The following KCNMB2 variants were observed in gnomAD, a reference collection of about 807,000 sequenced individuals.
The protein encoded by KCNMB2 is potassium calcium-activated channel subfamily M regulatory beta subunit 2.
Under a neutral mutation model 24.5 loss-of-function variants are expected in KCNMB2, and 9 were observed. The observed-to-expected ratio is 0.37, with a 90% CI of 0.22 to 0.64. KCNMB2 has a LOEUF of 0.64. Among genes scored for constraint, KCNMB2 ranks in the 30% least tolerant of loss-of-function variants. The pLI, the probability that KCNMB2 is intolerant of heterozygous loss-of-function variation, is 0.63. For missense variants in KCNMB2, 226 were observed against 284.3 expected (o/e 0.79, Z 1.47); for synonymous variants, 109 against 104.4 (o/e 1.04, Z -0.27).
At chr3:178,659,931 C>T (rs1720466928) in intron 1 of KCNMB2, among the ~76,000 whole-genome samples, 1 of 152,094 alleles carries the variant, frequency 6.6e-6, no homozygotes, top group Non-Finnish European at 1.5e-5. Flanking sequence ...TTTTAAGAGA[C>T]CACTTTCCAT....
At chr3:178,576,305 T>C (rs961275181) in intron 1 of KCNMB2, among the ~76,000 whole-genome samples, 1 of 152,022 alleles carries the variant, frequency 6.6e-6, no homozygotes. Context: ...AACTAGGCAC[T>C]CGGCCCAGAT....
chr3:178,610,872 T>A (rs921389409), intron 1 of KCNMB2, among the ~76,000 whole-genome samples: 5 of 152,248 alleles, frequency 3.3e-5, no homozygotes, highest in African/African-American at 9.6e-5. Context: ...GGGTTTGTTG[T>A]ATATGGCTTT....
intron 1 of KCNMB2, among the ~76,000 whole-genome samples, chr3:178,580,724 T>C (rs753136410): frequency 6.6e-5 from 10 of 151,914 alleles, no homozygotes; most frequent in African/African-American, 1.5e-4. Flanking sequence ...ACGCCAATAA[T>C]AGACAAACAG....
At chr3:178,557,967 ACCT>A (rs1272033169) in intron 1 of KCNMB2, among the ~76,000 whole-genome samples, 1 of 152,088 alleles carries the variant, frequency 6.6e-6, no homozygotes, top group Non-Finnish European at 1.5e-5. Context: ...TGGCCTCCTG[ACCT>A]CTGCTGTGAG....
chr3:178,710,746 G>T (rs939775168), intron 1 of KCNMB2, among the ~76,000 whole-genome samples: 22 of 152,158 alleles, frequency 1.4e-4, no homozygotes, highest in Non-Finnish European at 3.2e-4. Context: ...AAATGGGGTA[G>T]AAAGCACCTT....
intron 1 of KCNMB2, among the ~76,000 whole-genome samples, chr3:178,613,824 G>T (rs62284829): frequency 0.015 from 2,334 of 152,040 alleles, 30 homozygotes; most frequent in Middle Eastern, 0.024. Context: ...AAATCTGCTT[G>T]GTTCTATAAC....
chr3:178,828,110 C>T, intron 3 of KCNMB2, 68 bp from the exon 4 acceptor site: 1 of 1,151,580 alleles, frequency 8.7e-7, no homozygotes, highest in Non-Finnish European at 1.3e-6. Flanking sequence ...AGAAATAATT[C>T]CCTCGGACTA....
intron 1 of KCNMB2, among the ~76,000 whole-genome samples, chr3:178,553,035 T>C (rs137980986): frequency 1.3e-5 from 2 of 152,362 alleles, no homozygotes; most frequent in Admixed American, 1.3e-4. Flanking sequence ...GCTGGATTTT[T>C]GTCACTGCTT....
intron 4 of KCNMB2, among the ~76,000 whole-genome samples, chr3:178,829,018 A>T (rs1297355495): frequency 6.6e-6 from 1 of 151,744 alleles, no homozygotes; most frequent in Non-Finnish European, 1.5e-5. Flanking sequence ...TTTCCAGTCC[A>T]CTAAGATATT....
chr3:178,641,324 T>C (rs1242056402), intron 1 of KCNMB2, among the ~76,000 whole-genome samples: 1 of 152,160 alleles, frequency 6.6e-6, no homozygotes, highest in East Asian at 1.9e-4. Context: ...AATCAATAAA[T>C]GGGGATATCT....
intron 1 of KCNMB2, among the ~76,000 whole-genome samples, chr3:178,704,859 A>G (rs756913119): frequency 6.6e-6 from 1 of 152,170 alleles, no homozygotes; most frequent in Non-Finnish European, 1.5e-5. Flanking sequence ...GTATATTTGA[A>G]TGGCCAAGAT....
chr3:178,778,470 A>ACGTGCGCGCGCGCG (rs1469982956), intron 1 of KCNMB2, among the ~76,000 whole-genome samples: 24 of 88,670 alleles, frequency 2.7e-4, no homozygotes, highest in Non-Finnish European at 4.1e-4. Context: ...ACACACACAC[A>ACGTGCGCGCGCGCG]CACACACACA....
chr3:178,770,389 C>T (rs1006254734), intron 1 of KCNMB2, among the ~76,000 whole-genome samples: 3 of 152,190 alleles, frequency 2.0e-5, no homozygotes, highest in Non-Finnish European at 4.4e-5. Context: ...TCAGGTTACC[C>T]TGATGTTGAG....
chr3:178,644,896 G>A (rs1719862582), intron 1 of KCNMB2, among the ~76,000 whole-genome samples: 2 of 152,042 alleles, frequency 1.3e-5, no homozygotes, highest in Non-Finnish European at 2.9e-5. Flanking sequence ...GTACCAAACC[G>A]AACTAGATTA....
At chr3:178,837,882 A>G (rs1044980585) in intron 4 of KCNMB2, among the ~76,000 whole-genome samples, 2 of 152,166 alleles carry the variant, frequency 1.3e-5, no homozygotes, top group African/African-American at 2.4e-5. Flanking sequence ...TTAAAAATCT[A>G]TATTTTTAAG....
chr3:178,734,682 T>C (rs1371190327), intron 1 of KCNMB2, among the ~76,000 whole-genome samples: 1 of 152,200 alleles, frequency 6.6e-6, no homozygotes, highest in East Asian at 1.9e-4. Flanking sequence ...TAGACCCAAG[T>C]CCTCTGATTC....
intron 1 of KCNMB2, among the ~76,000 whole-genome samples, chr3:178,666,504 A>C (rs1038826876): frequency 6.6e-6 from 1 of 152,158 alleles, no homozygotes; most frequent in Non-Finnish European, 1.5e-5. Context: ...GTACAATGAA[A>C]GGCCTCGATC....
intron 2 of KCNMB2, among the ~76,000 whole-genome samples, chr3:178,814,520 T>C (rs573620791): frequency 6.6e-6 from 1 of 152,332 alleles, no homozygotes; most frequent in African/African-American, 2.4e-5. Context: ...CTGGGTCAAA[T>C]GGTAGTTCCA....
chr3:178,779,036 T>C (rs1363310852), intron 1 of KCNMB2, among the ~76,000 whole-genome samples: 1 of 152,190 alleles, frequency 6.6e-6, no homozygotes, highest in Non-Finnish European at 1.5e-5. Flanking sequence ...GTATTGATAC[T>C]TAAGGGGCAA....
Sources: allele counts gnomAD v4.1 joint callset (sites outside exome capture counted in the v4.1 genomes callset), GRCh38; gene constraint gnomAD v4.1.1; transcripts MANE v1.5; gene names NCBI Gene and HGNC (gene_info 2026-07-23, HGNC 2026-07-21).